Variants in PSTPIP1 observed in about 807,000 individuals in gnomAD.
PSTPIP1 encodes the protein proline-serine-threonine phosphatase interacting protein 1, also known as proline-serine-threonine phosphatase-interacting protein 1.
Under a neutral mutation model 69.6 loss-of-function variants are expected in PSTPIP1, and 66 were observed. The ratio of observed to expected loss-of-function variants is 0.95; its 90% CI spans 0.78 to 1.16. PSTPIP1 has a LOEUF of 1.16. Among genes scored for constraint, PSTPIP1 ranks in the 50% most tolerant of loss-of-function variants. PSTPIP1 has a pLI of 0.00. For synonymous variants in PSTPIP1, 266 were observed against 222.7 expected (o/e 1.19, Z -1.73); for missense variants, 603 against 557.4 (o/e 1.08, Z -0.82).
chr15:77,018,631 C>A, intron 3 of PSTPIP1, 100 bp downstream of exon 3: 1 of 1,275,256 alleles, frequency 7.8e-7, no homozygotes, highest in Non-Finnish European at 1.1e-6. Context: ...GGAGGCTGGG[C>A]AGAACCAGGG....
intron 9 of PSTPIP1, 38 bp downstream of exon 9, chr15:77,030,619 G>T (rs2076391568): frequency 6.4e-7 from 1 of 1,559,878 alleles, no homozygotes. Context: ...TCCCCAGCTG[G>T]GAAGTGTGAG....
intron 1 of PSTPIP1, among the ~76,000 whole-genome samples, chr15:77,004,176 C>T (rs542916916): frequency 1.2e-4 from 18 of 152,340 alleles, no homozygotes; most frequent in African/African-American, 4.3e-4. Flanking sequence ...ACAGATGGAT[C>T]GGACTGGGCT....
At chr15:77,029,644 C>T in intron 8 of PSTPIP1, 70 bp downstream of exon 8, 2 of 1,457,344 alleles carry the variant, frequency 1.4e-6, no homozygotes, top group South Asian at 1.2e-5. Context: ...CACACCTCCT[C>T]ACCCTGGGGA....
intron 3 of PSTPIP1, 102 bp downstream of exon 3, chr15:77,018,633 G>A: frequency 1.6e-6 from 2 of 1,261,470 alleles, no homozygotes; most frequent in Non-Finnish European, 2.1e-6. Flanking sequence ...AGGCTGGGCA[G>A]AACCAGGGTA....
chr15:77,037,323 T>G lies in PSTPIP1; in HGVS notation c.*147T>G. ...GTCTCCCAGGGAATAAAGGAGTGCG[T>G]TCTGTTCTCCTTGGTGTGCTGGGGT... On this transcript the variant is annotated 3_prime_UTR_variant, in exon 15 of 15. Transcript: ENST00000558012. 1 of 1,076,592 alleles carries G rather than the reference T, an allele frequency of 9.3e-7. No individual in the cohort carries two copies. The highest frequency in any genetic ancestry group is 2.7e-5 in the East Asian group (1 of 36,406). 66.7% of individuals were successfully genotyped at this position (1,076,592 alleles called of 1,614,324 possible). A position where few individuals can be genotyped will look rare whatever the true frequency, so the allele number is the denominator to read the frequency against.
chr15:76,998,553 G>C (rs1175044171), intron 1 of PSTPIP1, among the ~76,000 whole-genome samples: 1 of 152,184 alleles, frequency 6.6e-6, no homozygotes, highest in Non-Finnish European at 1.5e-5. Context: ...TATAGATGTA[G>C]CAATTAGTGG....
chr15:77,029,407 G>A (rs1438435204), intron 7 of PSTPIP1, 122 bp from the exon 8 acceptor site: 43 of 1,146,644 alleles, frequency 3.8e-5, no homozygotes, highest in African/African-American at 1.4e-4. Flanking sequence ...TCTGCCCATA[G>A]TTGGCTCCTG....
Position 77,018,137 on chromosome 15 carries a change from C to T in PSTPIP1, c.37-11C>T, listed in dbSNP as rs1413891749. The T allele has an allele frequency of 2.6e-6, 4 of 1,567,774 alleles. No homozygotes were observed. In the South Asian group the frequency reaches 3.5e-5, roughly 14 times the overall value. ...CGTGGCCCTCATGTGTCCTTCTGTC[C>T]TGTGTCACAGTGCAGGGACTTCACA... On this transcript the variant is annotated splice_polypyrimidine_tract_variant and intron_variant, in intron 1 of 14. Coordinates refer to ENST00000558012, the MANE Select transcript of PSTPIP1 (RefSeq NM_003978.5).
At position 77,025,643 on chromosome 15, in the gene PSTPIP1, T is replaced by A. The variant is rs12906071; in HGVS notation, c.354+39T>A. ...AGGGGGCGGGGGAGCTGCTCCCCCA[T>A]TGCCAGCCTCTCAGTTGCTGTGGGG... On this transcript the variant is annotated intron_variant, in intron 5 of 14. Transcript: ENST00000558012. 0.013 allele frequency: 18,854 copies of A among 1,494,228 alleles called. 146 individuals carry two copies. Among genetic ancestry groups the A allele is most frequent in the Non-Finnish European group, 0.016 (17,103 of 1,101,640 alleles). 92.6% of individuals were successfully genotyped at this position (1,494,228 alleles called of 1,614,324 possible). A position where few individuals can be genotyped will look rare whatever the true frequency, so the allele number is the denominator to read the frequency against.
intron 14 of PSTPIP1, 111 bp from the exon 15 acceptor site, chr15:77,036,934 C>A (rs1314478415): frequency 1.4e-6 from 2 of 1,464,008 alleles, no homozygotes; most frequent in African/African-American, 2.8e-5. Context: ...CCCCTGCCCA[C>A]CCTGGGAGAC....
intron 3 of PSTPIP1, chr15:77,024,548 G>C (rs2076230881): frequency 6.6e-6 from 1 of 152,198 alleles, no homozygotes; most frequent in South Asian, 2.1e-4. Context: ...GTGAATTTCA[G>C]ATAAACAACA....
Position 77,027,574 on chromosome 15 carries a change from C to T in PSTPIP1, c.355-278C>T, listed in dbSNP as rs781386591. ...TGCAGGATGAACGACTGTGTGCGCA[C>T]GTGTGTTGGGGTGGGAACTCCCCAG... On this transcript the variant is annotated intron_variant, in intron 5 of 14. Coordinates refer to ENST00000558012, the MANE Select transcript of PSTPIP1 (RefSeq NM_003978.5). This position sits in a 1 kb window ranked among gnomAD's most constrained non-coding sequence, Gnocchi z 4.3. Among the ~76,000 whole-genome samples, 2 of 152,124 alleles carry T rather than the reference C, an allele frequency of 1.3e-5. No individual in the cohort carries two copies. The highest frequency in any genetic ancestry group is 2.9e-5 in the Non-Finnish European group (2 of 68,010).
chr15:77,018,098 C>T (rs931616878), intron 1 of PSTPIP1, 50 bp from the exon 2 acceptor site: 13 of 1,528,142 alleles, frequency 8.5e-6, no homozygotes, highest in African/African-American at 1.4e-5. Flanking sequence ...GGGCTGTGCT[C>T]AGTGTCGCCT....
intron 1 of PSTPIP1, among the ~76,000 whole-genome samples, chr15:77,005,377 C>T (rs1340854456): frequency 1.3e-5 from 2 of 152,174 alleles, no homozygotes; most frequent in African/African-American, 2.4e-5. Flanking sequence ...CAAGAGCAAA[C>T]ACTCAATATC....
rs772313911 is a variant in PSTPIP1, at chr15:77,032,346, G to A, written c.790G>A (p.Asp264Asn). ...LTLEGCSIDADIDSFIQAKST... is the reference protein window; with the variant it reads ...LTLEGCSIDANIDSFIQAKST... ...GCTGGAAGGCTGCAGCATAGACGCC[G>A]ACATCGACAGTTTCATCCAGGCCAA... The change falls in exon 11 of 15, where the codon GAC (aspartate) becomes AAC (asparagine). Residue 264 changes from aspartate (D) to asparagine (N), a missense_variant. By Grantham distance (23) the Asp-to-Asn change is conservative (BLOSUM62 1). Coordinates refer to ENST00000558012, the MANE Select transcript of PSTPIP1 (RefSeq NM_003978.5). The A allele has an allele frequency of 6.2e-6, 10 of 1,612,538 alleles. No homozygotes were observed. The highest frequency in any genetic ancestry group is 3.3e-4 in the Middle Eastern group (2 of 6,080).
intron 12 of PSTPIP1, among the ~76,000 whole-genome samples, chr15:77,034,165 GAGTC>G (rs1458521801): frequency 6.7e-6 from 1 of 150,024 alleles, no homozygotes. Context: ...CAGTGACTGG[GAGTC>G]AGAAGTGTAG....
At chr15:77,032,622 G>A (rs1270160430) in intron 11 of PSTPIP1, 2 of 621,296 alleles carry the variant, frequency 3.2e-6, no homozygotes, top group Admixed American at 2.9e-5. Flanking sequence ...GATGGGGATT[G>A]AGGTGAGGAG....
intron 1 of PSTPIP1, among the ~76,000 whole-genome samples, chr15:77,009,250 G>A (rs2075884102): frequency 6.6e-6 from 1 of 152,152 alleles, no homozygotes; most frequent in Non-Finnish European, 1.5e-5. Context: ...ATGGCAGAGA[G>A]AGCCAAAGGG....
intron 3 of PSTPIP1, among the ~76,000 whole-genome samples, chr15:77,019,399 C>T (rs1018440805): frequency 1.1e-4 from 16 of 152,184 alleles, no homozygotes; most frequent in Admixed American, 6.5e-4. Context: ...GGAACCCCTT[C>T]CCTTCCTGCC....
Sources: gnomAD v4.1 joint callset for allele counts (sites outside exome capture counted in the v4.1 genomes callset) on GRCh38, gnomAD v4.1.1 for gene constraint, Gnocchi (gnomAD v3.1) non-coding constraint, MANE v1.5 for transcripts, NCBI Gene and HGNC (gene_info 2026-07-23, HGNC 2026-07-21) for gene names.